Variants in XRCC4 observed in about 807,000 individuals in gnomAD.
XRCC4 encodes the protein X-ray repair cross complementing 4.
XRCC4 carries 28 observed loss-of-function variants against 39.1 expected under a neutral mutation model. The ratio of observed to expected loss-of-function variants is 0.72; its 90% CI spans 0.53 to 0.98. The LOEUF is 0.98. Ranked by LOEUF, XRCC4 falls within the 50% of genes least tolerant of loss-of-function variation. The pLI is 0.00. For missense variants in XRCC4, 350 were observed against 376.4 expected, an observed-to-expected ratio of 0.93 and a Z score of 0.58; for synonymous variants, 123 against 126.4, an observed-to-expected ratio of 0.97 and a Z score of 0.18.
rs539095963 is a variant in XRCC4, at chr5:83,077,564, G to C, written c.-62G>C. ...ATACTCTCATTGGTTGCAAAACCTT[G>C]ATCTGTGAAAGCGGGCGTTTTGGAA... On this transcript the variant is annotated 5_prime_UTR_variant, in exon 1 of 8. Transcript: ENST00000396027. The C allele has an allele frequency of 1.1e-5, 6 of 548,766 alleles. No homozygotes were observed. In the East Asian group the frequency reaches 1.2e-4, roughly 11 times the overall value. 34.0% of individuals were successfully genotyped at this position (548,766 alleles called of 1,614,324 possible). A position where few individuals can be genotyped will look rare whatever the true frequency, so the allele number is the denominator to read the frequency against.
chr5:83,358,264 C>T (rs150021756), downstream of XRCC4, among the ~76,000 whole-genome samples: 6 of 152,232 alleles, frequency 3.9e-5, no homozygotes, highest in East Asian at 1.2e-3. Context: ...CATCCACCAT[C>T]GCTGTTCCTG....
chr5:83,289,738 C>T (rs1754852791), intron 7 of XRCC4, among the ~76,000 whole-genome samples: 1 of 151,598 alleles, frequency 6.6e-6, no homozygotes, highest in African/African-American at 2.4e-5. Flanking sequence ...TTAGGTGAAA[C>T]AAGTTGGTAG....
intron 7 of XRCC4, among the ~76,000 whole-genome samples, chr5:83,347,491 G>A (rs1256607391): frequency 6.6e-6 from 1 of 152,088 alleles, no homozygotes; most frequent in Non-Finnish European, 1.5e-5. Context: ...AGAGCAAAAG[G>A]GGAAGTGCTA....
intron 4 of XRCC4, among the ~76,000 whole-genome samples, chr5:83,196,942 G>C (rs1251226937): frequency 6.6e-6 from 1 of 151,658 alleles, no homozygotes; most frequent in Non-Finnish European, 1.5e-5. Flanking sequence ...ATGTGAAAAT[G>C]AGGCTGACTA....
intron 3 of XRCC4, among the ~76,000 whole-genome samples, chr5:83,141,167 A>G (rs185400635): frequency 1.7e-4 from 26 of 152,346 alleles, no homozygotes; most frequent in African/African-American, 6.3e-4. Flanking sequence ...GTACAAGTAC[A>G]TAATATGCCA....
chr5:83,227,800 A>G (rs1236432292), intron 6 of XRCC4, among the ~76,000 whole-genome samples: 1 of 152,044 alleles, frequency 6.6e-6, no homozygotes, highest in East Asian at 1.9e-4. Flanking sequence ...TGAGAAAAAA[A>G]TGTAACATTG....
intron 1 of XRCC4, among the ~76,000 whole-genome samples, chr5:83,096,719 A>C (rs183891917): frequency 4.1e-4 from 62 of 152,344 alleles, no homozygotes; most frequent in African/African-American, 1.2e-3. Flanking sequence ...TTTGAAAAAC[A>C]ATATGAGCCA....
intron 7 of XRCC4, chr5:83,280,283 A>T: frequency 2.6e-6 from 1 of 385,612 alleles, no homozygotes; most frequent in Non-Finnish European, 4.9e-6. Context: ...GATGTCTTTG[A>T]TACTACATTT....
rs548955501 is a variant in XRCC4 at position 83,127,575 on chromosome 5, A to G, written c.315+16372A>G. Among the ~76,000 whole-genome samples the G allele has an allele frequency of 7.2e-5, 11 of 152,120 alleles. No homozygotes were observed. The South Asian group carries it at 2.3e-3, about 32-fold the overall frequency. On this transcript the variant is annotated intron_variant, in intron 3 of 7. Coordinates refer to ENST00000396027, the MANE Select transcript of XRCC4 (RefSeq NM_003401.5). ...TTTGTTTTTGTTTTTTTTTAAATAAATTACCCAGTCTTGGGTATGTCTTTA... is the reference window on the plus strand; with the variant it reads ...TTTGTTTTTGTTTTTTTTTAAATAAGTTACCCAGTCTTGGGTATGTCTTTA...
intron 3 of XRCC4, among the ~76,000 whole-genome samples, chr5:83,192,598 A>G (rs75862012): frequency 0.015 from 2,280 of 152,244 alleles, 54 homozygotes; most frequent in African/African-American, 0.052. Flanking sequence ...AGCTGGAGCC[A>G]CCGCACCTGG....
At chr5:83,095,202 G>T (rs1000654745) in intron 1 of XRCC4, among the ~76,000 whole-genome samples, 7 of 151,986 alleles carry the variant, frequency 4.6e-5, no homozygotes, top group Non-Finnish European at 7.4e-5. Flanking sequence ...GAATTTTTTT[G>T]GGGTAGCTAC....
intron 3 of XRCC4, among the ~76,000 whole-genome samples, chr5:83,133,835 C>T (rs1406838030): frequency 6.6e-6 from 1 of 152,168 alleles, no homozygotes; most frequent in Non-Finnish European, 1.5e-5. Flanking sequence ...TTGGCCTTGT[C>T]GTCTGCTCTG....
chr5:83,277,179 GA>G (rs1390313782), intron 7 of XRCC4, among the ~76,000 whole-genome samples: 3 of 152,180 alleles, frequency 2.0e-5, no homozygotes, highest in Admixed American at 6.5e-5. Flanking sequence ...AACCATAATA[GA>G]GCAATTTTTT....
intron 7 of XRCC4, among the ~76,000 whole-genome samples, chr5:83,263,714 T>C (rs1454408367): frequency 2.0e-5 from 3 of 149,440 alleles, no homozygotes; most frequent in African/African-American, 4.9e-5. Context: ...CTTGTAAATT[T>C]GTTTGAGTTC....
chr5:83,177,749 A>G (rs749223143), intron 3 of XRCC4, among the ~76,000 whole-genome samples: 3 of 152,180 alleles, frequency 2.0e-5, no homozygotes, highest in Non-Finnish European at 2.9e-5. Context: ...AGAAAAGTGG[A>G]TCATGGGCTT....
chr5:83,311,019 CTT>C, intron 7 of XRCC4: 2 of 284,702 alleles, frequency 7.0e-6, no homozygotes, highest in South Asian at 6.4e-5. Flanking sequence ...TCATTTCAGA[CTT>C]GTGGCCTCCA....
At chr5:83,175,241 G>A (rs1749899351) in intron 3 of XRCC4, among the ~76,000 whole-genome samples, 1 of 152,128 alleles carries the variant, frequency 6.6e-6, no homozygotes, top group Non-Finnish European at 1.5e-5. Flanking sequence ...AGTAGTAAAT[G>A]TTACCTGGTG....
intron 6 of XRCC4, among the ~76,000 whole-genome samples, chr5:83,230,327 G>A (rs570210705): frequency 3.3e-5 from 5 of 151,728 alleles, no homozygotes; most frequent in Non-Finnish European, 4.4e-5. Flanking sequence ...CAACTACATA[G>A]CAAACCTACA....
At chr5:83,274,261 AAGCATTTGTCTTTGTT>A (rs1561448075) in intron 7 of XRCC4, among the ~76,000 whole-genome samples, 1 of 152,146 alleles carries the variant, frequency 6.6e-6, no homozygotes. Context: ...TACACTACAA[AAGCATTTGTCTTTGTT>A]ATGTTTAATA....
Sources: gnomAD v4.1 joint callset for allele counts (sites outside exome capture counted in the v4.1 genomes callset) on GRCh38, gnomAD v4.1.1 for gene constraint, MANE v1.5 for transcripts, NCBI Gene and HGNC (gene_info 2026-07-23, HGNC 2026-07-21) for gene names.